Variants in CHN1 observed in about 807,000 individuals in gnomAD.
CHN1 encodes the protein chimerin 1.
CHN1 carries 37 observed loss-of-function variants against 59.5 expected under a neutral mutation model. The ratio of observed to expected loss-of-function variants is 0.62; its 90% CI spans 0.48 to 0.82. The LOEUF is 0.82. Among genes scored for constraint, CHN1 ranks in the 40% least tolerant of loss-of-function variants. The pLI is 0.00. For missense variants in CHN1, 469 were observed against 571.0 expected (o/e 0.82, Z 1.82); for synonymous variants, 206 against 200.4 (o/e 1.03, Z -0.24).
At chr2:174,801,681 T>C (rs1180277317) in intron 12 of CHN1, 26 bp downstream of exon 12, 2 of 1,544,460 alleles carry the variant, frequency 1.3e-6, no homozygotes, top group East Asian at 4.5e-5. Context: ...GCAATACAAG[T>C]GTAAGACTCA....
intron 5 of CHN1, among the ~76,000 whole-genome samples, chr2:174,883,803 A>C (rs1223918312): frequency 1.3e-5 from 2 of 152,098 alleles, no homozygotes; most frequent in African/African-American, 4.8e-5. Context: ...TGTAAAAAAA[A>C]GGAATATAGA....
chr2:174,932,973 C>T (rs1255636379), intron 3 of CHN1, among the ~76,000 whole-genome samples: 2 of 152,130 alleles, frequency 1.3e-5, no homozygotes, highest in African/African-American at 2.4e-5. Flanking sequence ...TGGACATATT[C>T]CAAAGATAGA....
intron 4 of CHN1, among the ~76,000 whole-genome samples, chr2:174,917,261 C>T (rs1431799529): frequency 2.0e-5 from 3 of 151,988 alleles, no homozygotes; most frequent in Non-Finnish European, 2.9e-5. Flanking sequence ...GGTGAAACCC[C>T]GTCTGTCCTA....
intron 5 of CHN1, among the ~76,000 whole-genome samples, chr2:174,902,908 T>C (rs910495649): frequency 2.6e-5 from 4 of 152,208 alleles, no homozygotes; most frequent in African/African-American, 9.6e-5. Flanking sequence ...CAACCTAATG[T>C]TTTGAGATTC....
At chr2:175,002,424 CTTAAT>C (rs1163724878) in intron 1 of CHN1, among the ~76,000 whole-genome samples, 1 of 152,142 alleles carries the variant, frequency 6.6e-6, no homozygotes, top group Admixed American at 6.5e-5. Context: ...AACTATTCAG[CTTAAT>C]TTAACAAGTA....
At chr2:174,843,998 T>A (rs1414347829) in intron 7 of CHN1, among the ~76,000 whole-genome samples, 1 of 151,988 alleles carries the variant, frequency 6.6e-6, no homozygotes, top group East Asian at 1.9e-4. Context: ...GTGTGTTGTA[T>A]GTTGTATTAG....
At chr2:174,995,260 C>T (rs956439878) in intron 1 of CHN1, among the ~76,000 whole-genome samples, 9 of 152,162 alleles carry the variant, frequency 5.9e-5, no homozygotes, top group African/African-American at 1.7e-4. Context: ...GTTTCAATTA[C>T]GCACAGTCAA....
chr2:174,930,842 G>A (rs532860172), intron 3 of CHN1, among the ~76,000 whole-genome samples: 82 of 151,386 alleles, frequency 5.4e-4, no homozygotes, highest in Admixed American at 1.2e-3. Flanking sequence ...TCAGCTCACC[G>A]CAAGCTCTGC....
chr2:175,004,126 G>GTA (rs1181315077), intron 1 of CHN1, among the ~76,000 whole-genome samples: 1 of 152,110 alleles, frequency 6.6e-6, no homozygotes. Context: ...AGTCAGGTAC[G>GTA]TATGTACCAT....
At chr2:174,848,527 A>T (rs1686619398) in intron 6 of CHN1, among the ~76,000 whole-genome samples, 1 of 152,202 alleles carries the variant, frequency 6.6e-6, no homozygotes, top group Admixed American at 6.5e-5. Context: ...GTTACACTGT[A>T]TTTAAAGCAT....
At chr2:174,826,148 T>C (rs1175257666) in intron 7 of CHN1, among the ~76,000 whole-genome samples, 1 of 152,154 alleles carries the variant, frequency 6.6e-6, no homozygotes, top group Non-Finnish European at 1.5e-5. Flanking sequence ...ATCCCTTCTA[T>C]GTGTTTTATG....
In CHN1 at chr2:174,825,747, T is replaced by C. The variant is rs1454616993; in HGVS notation, c.628-1229A>G. ...ACAGCTAAGATTGTCATTTTTACAA[T>C]TGCTGTACTAACGTATTGACTAAGT... is the stretch of plus-strand genomic sequence containing the variant. On this transcript the variant is annotated intron_variant, in intron 7 of 12. Transcript: ENST00000409900. Among the ~76,000 whole-genome samples, 5 of 152,224 alleles carry C rather than the reference T, an allele frequency of 3.3e-5. No homozygotes were observed. In the South Asian group the frequency reaches 6.2e-4, roughly 19 times the overall value.
intron 5 of CHN1, among the ~76,000 whole-genome samples, chr2:174,891,055 G>C (rs1417097847): frequency 1.3e-5 from 2 of 148,422 alleles, no homozygotes; most frequent in African/African-American, 5.0e-5. Flanking sequence ...GCAGGAGAAT[G>C]GTGCGAACCT....
intron 2 of CHN1, among the ~76,000 whole-genome samples, chr2:174,945,975 TACAC>T (rs138653833): frequency 2.6e-5 from 4 of 151,246 alleles, no homozygotes; most frequent in South Asian, 2.1e-4. Flanking sequence ...TATCTCTCTC[TACAC>T]ACACACACAG....
intron 3 of CHN1, among the ~76,000 whole-genome samples, chr2:174,934,381 T>C (rs1689438072): frequency 6.6e-6 from 1 of 152,172 alleles, no homozygotes; most frequent in African/African-American, 2.4e-5. Flanking sequence ...ATGCCACTAC[T>C]GATCTGACAG....
At chr2:174,834,741 T>G (rs1202284645) in intron 7 of CHN1, among the ~76,000 whole-genome samples, 1 of 152,224 alleles carries the variant, frequency 6.6e-6, no homozygotes, top group Non-Finnish European at 1.5e-5. Flanking sequence ...AGTTGACATA[T>G]CTGTCCTAAC....
intron 5 of CHN1, among the ~76,000 whole-genome samples, chr2:174,914,819 T>C (rs1161413642): frequency 7.5e-6 from 1 of 134,142 alleles, no homozygotes; most frequent in African/African-American, 2.9e-5. Flanking sequence ...CACTCCAGCC[T>C]GGCAACACAG....
intron 6 of CHN1, among the ~76,000 whole-genome samples, chr2:174,850,059 T>C (rs1370134741): frequency 3.9e-5 from 6 of 152,222 alleles, no homozygotes; most frequent in Non-Finnish European, 1.5e-5. Flanking sequence ...AAGTTTAGCA[T>C]GTAGTAGGAA....
rs1574196330 is a variant in CHN1 at position 174,944,911 on chromosome 2, G to A, written c.91C>T (p.Arg31Ter). 2 of 1,582,120 alleles carry A rather than the reference G, an allele frequency of 1.3e-6. No homozygotes were observed. Among genetic ancestry groups the A allele is most frequent in the Non-Finnish European group, 1.7e-6 (2 of 1,162,440 alleles). Residue 31 changes from arginine (R) to a stop codon, truncating the protein, a stop_gained, in exon 3 of 13, where the codon CGA becomes TGA. Transcript: ENST00000409900. LOFTEE classifies it high-confidence loss of function. ...ACCTCGCAAGTACAGGTAATTCTTC[G>A]AGGATGAGGGGCTTCCTGTTGTAGC... The part of the protein sequence containing the change: ...YQLQQEAPHP[R>*]RITCTCEVEN...
Sources: gnomAD v4.1 joint callset for allele counts (sites outside exome capture counted in the v4.1 genomes callset) on GRCh38, gnomAD v4.1.1 for gene constraint, MANE v1.5 for transcripts, NCBI Gene and HGNC (gene_info 2026-07-23, HGNC 2026-07-21) for gene names.